The following WWOX variants were observed in gnomAD, a reference collection of about 807,000 sequenced individuals.
WWOX encodes the protein WW domain-containing oxidoreductase.
In WWOX, 69 loss-of-function variants were observed where a neutral mutation model predicts 46.2. The observed-to-expected ratio is 1.49, with a 90% CI of 1.23 to 1.82. The LOEUF is 1.82. Among genes scored for constraint, WWOX ranks in the 40% most tolerant of loss-of-function variants. The probability of loss-of-function intolerance (pLI) is 0.00; values close to 1 mark genes in which losing one functional copy is unlikely to be tolerated. For missense variants in WWOX, 919 were observed against 542.6 expected, an observed-to-expected ratio of 1.69 and a Z score of -6.89; for synonymous variants, 359 against 202.6, an observed-to-expected ratio of 1.77 and a Z score of -6.56.
intron 8 of WWOX, among the ~76,000 whole-genome samples, chr16:79,162,342 G>C (rs1412185389): frequency 6.6e-6 from 1 of 152,168 alleles, no homozygotes; most frequent in Non-Finnish European, 1.5e-5. Context: ...CAAGTTTGGA[G>C]TTAAGGCCAC....
intron 8 of WWOX, among the ~76,000 whole-genome samples, chr16:78,731,064 A>G (rs28594729): frequency 0.053 from 7,996 of 152,172 alleles, 717 homozygotes; most frequent in African/African-American, 0.18. Flanking sequence ...ATTTAAGAAA[A>G]TGTTGATTTT....
chr16:78,935,457 G>C (rs2151286555), intron 8 of WWOX, among the ~76,000 whole-genome samples: 1 of 152,246 alleles, frequency 6.6e-6, no homozygotes, highest in South Asian at 2.1e-4. Flanking sequence ...CTCTTGTAGG[G>C]ACATGGATGA....
At position 78,950,533 on chromosome 16, in the gene WWOX, TACACACAC is replaced by T. The variant is rs141591649; in HGVS notation, c.1057-261050_1057-261043del. 2.7e-4 allele frequency among the ~76,000 whole-genome samples: 39 copies of T among 147,056 alleles called. No individual in the cohort carries two copies. The East Asian group carries it at 2.9e-3, about 11-fold the overall frequency. ...TATTAAAGGAACACACACACACACA[TACACACAC>T]ACACACACACACACACACACACACG... On this transcript the variant is annotated intron_variant, in intron 8 of 8. Coordinates refer to ENST00000566780, the MANE Select transcript of WWOX (RefSeq NM_016373.4).
At position 78,483,052 on chromosome 16, in the gene WWOX, G is replaced by A. The variant is rs562414543; in HGVS notation, c.1056+50300G>A. On this transcript the variant is annotated intron_variant, in intron 8 of 8. Transcript: ENST00000566780. ...TGGAAGGGGTCCCTAGACATGAAGG[G>A]CCTCTTCAACCTACCTTTTGTTGGC... Among the ~76,000 whole-genome samples, 13 of 152,232 alleles carry A rather than the reference G, an allele frequency of 8.5e-5. No individual in the cohort carries two copies. The South Asian group carries it at 2.5e-3, about 29-fold the overall frequency.
In WWOX at chr16:78,342,961, G is replaced by T. The variant is rs2081041052; in HGVS notation, c.517-43899G>T. Among the ~76,000 whole-genome samples, 2 of 120,822 alleles carry T rather than the reference G, an allele frequency of 1.7e-5. 1 individual carries two copies. The highest frequency in any genetic ancestry group is 5.6e-5 in the African/African-American group (2 of 35,556). 79.3% of individuals were successfully genotyped at this position (120,822 alleles called of 152,430 possible). ...TAAGCTCACCTTGGGATAGGCCCTT[G>T]CAGATGACAATAAAGGTATTTTGGC... On this transcript the variant is annotated intron_variant, in intron 5 of 8. Transcript: ENST00000566780.
chr16:78,657,429 A>C (rs2047106802), intron 8 of WWOX, among the ~76,000 whole-genome samples: 1 of 152,124 alleles, frequency 6.6e-6, no homozygotes, highest in East Asian at 1.9e-4. Flanking sequence ...TGTCAAGAAC[A>C]ATATTGGACA....
chr16:78,468,305 C>G (rs1398268328), intron 8 of WWOX, among the ~76,000 whole-genome samples: 1 of 149,070 alleles, frequency 6.7e-6, no homozygotes, highest in Non-Finnish European at 1.5e-5. Flanking sequence ...GAGCAGAACA[C>G]TGTACTCCAG....
At chr16:78,525,652 C>T (rs1041937955) in intron 8 of WWOX, 2 of 152,094 alleles carry the variant, frequency 1.3e-5, no homozygotes, top group African/African-American at 4.8e-5. Flanking sequence ...TCTTTTCCAA[C>T]ATTATTCACC....
intron 5 of WWOX, 80 bp from the exon 6 acceptor site, chr16:78,386,780 A>C: frequency 7.9e-7 from 1 of 1,263,146 alleles, no homozygotes; most frequent in Non-Finnish European, 1.2e-6. Context: ...GACATGTTCC[A>C]TAACACATTT....
intron 8 of WWOX, among the ~76,000 whole-genome samples, chr16:78,527,506 C>A (rs1340945003): frequency 6.6e-6 from 1 of 152,084 alleles, no homozygotes; most frequent in Non-Finnish European, 1.5e-5. Context: ...GTTGGCCAGG[C>A]TGGTCTTGAA....
At chr16:79,172,940 G>A (rs1238698409) in intron 8 of WWOX, among the ~76,000 whole-genome samples, 1 of 152,092 alleles carries the variant, frequency 6.6e-6, no homozygotes, top group East Asian at 1.9e-4. Flanking sequence ...AAGATTGCTT[G>A]AGCCTGGGAC....
intron 8 of WWOX, among the ~76,000 whole-genome samples, chr16:78,930,227 C>CTTCCTTCCT (rs2045590677): frequency 1.1e-5 from 1 of 89,058 alleles, no homozygotes; most frequent in African/African-American, 3.9e-5. Context: ...ACCTTTCTTC[C>CTTCCTTCCT]TTCCTTCCTT....
intron 8 of WWOX, among the ~76,000 whole-genome samples, chr16:78,585,759 C>T (rs1321499651): frequency 6.6e-6 from 1 of 151,544 alleles, no homozygotes; most frequent in Non-Finnish European, 1.5e-5. Flanking sequence ...GTTCTGGTCC[C>T]TTCCCCTGCA....
At chr16:79,048,014 A>G (rs1263263939) in intron 8 of WWOX, among the ~76,000 whole-genome samples, 1 of 152,136 alleles carries the variant, frequency 6.6e-6, no homozygotes, top group African/African-American at 2.4e-5. Context: ...CTTGTGGTCA[A>G]GGTGGCTATA....
chr16:78,750,077 G>A (rs954404869), intron 8 of WWOX, among the ~76,000 whole-genome samples: 13 of 152,154 alleles, frequency 8.5e-5, no homozygotes, highest in African/African-American at 3.1e-4. Context: ...CATATGGAAG[G>A]CATTGCTGAA....
chr16:78,845,687 A>C (rs2052279952), intron 8 of WWOX, among the ~76,000 whole-genome samples: 1 of 152,198 alleles, frequency 6.6e-6, no homozygotes, highest in East Asian at 1.9e-4. Context: ...AAGGTAACTA[A>C]TATTTCCGGA....
At chr16:78,693,550 C>G (rs946292465) in intron 8 of WWOX, among the ~76,000 whole-genome samples, 1 of 152,082 alleles carries the variant, frequency 6.6e-6, no homozygotes, top group African/African-American at 2.4e-5. Flanking sequence ...ACCAAATAGT[C>G]ATAGAGTAGT....
chr16:78,738,125 C>T (rs1312324010), intron 8 of WWOX, among the ~76,000 whole-genome samples: 11 of 152,094 alleles, frequency 7.2e-5, no homozygotes, highest in Admixed American at 7.2e-4. Flanking sequence ...AAAAACAGTT[C>T]AATTAGGTAA....
intron 5 of WWOX, among the ~76,000 whole-genome samples, chr16:78,217,535 C>A (rs961399754): frequency 6.6e-6 from 1 of 152,126 alleles, no homozygotes; most frequent in Non-Finnish European, 1.5e-5. Flanking sequence ...TGTGATCCTG[C>A]CGATGAGATG....
Sources: gnomAD v4.1 joint callset for allele counts (sites outside exome capture counted in the v4.1 genomes callset) on GRCh38, gnomAD v4.1.1 for gene constraint, MANE v1.5 for transcripts, NCBI Gene and HGNC (gene_info 2026-07-23, HGNC 2026-07-21) for gene names.